The following BAZ2B variants were observed in gnomAD, a reference collection of about 807,000 sequenced individuals.
BAZ2B encodes bromodomain adjacent to zinc finger domain protein 2B.
Under a neutral mutation model 246.0 loss-of-function variants are expected in BAZ2B, and 91 were observed. The observed-to-expected ratio is 0.37, with a 90% CI of 0.31 to 0.44. The LOEUF (loss-of-function observed/expected upper bound fraction) is 0.44, where lower values mean the gene tolerates loss of function less well. BAZ2B is among the 20% of genes least tolerant of loss of function. The probability of loss-of-function intolerance (pLI) is 1.00; values close to 1 mark genes in which losing one functional copy is unlikely to be tolerated. For synonymous variants in BAZ2B, 855 were observed against 860.0 expected, an observed-to-expected ratio of 0.99 and a Z score of 0.10; for missense variants, 2,332 against 2,533.7, an observed-to-expected ratio of 0.92 and a Z score of 1.71.
At chr2:159,348,129 G>A (rs902987773) in intron 30 of BAZ2B, among the ~76,000 whole-genome samples, 1 of 151,560 alleles carries the variant, frequency 6.6e-6, no homozygotes, top group Non-Finnish European at 1.5e-5. Flanking sequence ...GACCAGCCTG[G>A]GCAACATAGT....
At chr2:159,501,943 G>A (rs983075622) in intron 2 of BAZ2B, among the ~76,000 whole-genome samples, 1 of 152,136 alleles carries the variant, frequency 6.6e-6, no homozygotes, top group Non-Finnish European at 1.5e-5. Context: ...ATCAACTGAT[G>A]AATGAATAAA....
At position 159,377,812 on chromosome 2, in the gene BAZ2B, C is replaced by CAA. The variant is rs35570732; in HGVS notation, c.4006-3061_4006-3060dup. 6.3e-3 allele frequency among the ~76,000 whole-genome samples: 589 copies of CAA among 94,134 alleles called. 2 individuals are homozygous for CAA. The highest frequency in any genetic ancestry group is 0.011 in the Non-Finnish European group (484 of 45,980). The allele number at this position is 94,134 out of a possible 152,430, so 61.8% of individuals were successfully genotyped here. A position where few individuals can be genotyped will look rare whatever the true frequency, so the allele number is the denominator to read the frequency against. On this transcript the variant is annotated intron_variant, in intron 25 of 36. Transcript: ENST00000392783. ...GGGTGACAGAGCGAGACTCTGTCTC[C>CAA]AAAAAAAAAAAAAAAAAAGAAGTGA...
chr2:159,428,295 G>T lies in BAZ2B; in HGVS notation c.2364+16C>A. ...AATAGGCACCAAATGTACATTATTT[G>T]GTGAAAAGTATGTACCTTTATTACT... On this transcript the variant is annotated intron_variant, in intron 12 of 36. Coordinates refer to ENST00000392783, the MANE Select transcript of BAZ2B (RefSeq NM_013450.4). The T allele has an allele frequency of 6.3e-7, 1 of 1,583,872 alleles. No individual in the cohort carries two copies. The highest frequency in any genetic ancestry group is 8.6e-7 in the Non-Finnish European group (1 of 1,156,588).
chr2:159,639,693 T>A, the BAZ2B span, among the ~76,000 whole-genome samples: 1 of 151,498 alleles, frequency 6.6e-6, no homozygotes, highest in African/African-American at 2.4e-5. Flanking sequence ...ATACAATGGA[T>A]GCACAAAAAA....
intron 1 of BAZ2B, among the ~76,000 whole-genome samples, chr2:159,589,860 A>C (rs1688888576): frequency 6.6e-6 from 1 of 152,156 alleles, no homozygotes; most frequent in African/African-American, 2.4e-5. Flanking sequence ...TCTAAGAAGA[A>C]TTTCCCAAAC....
chr2:159,563,530 A>G (rs1007286171), intron 1 of BAZ2B, among the ~76,000 whole-genome samples: 3 of 152,218 alleles, frequency 2.0e-5, no homozygotes, highest in Admixed American at 6.5e-5. Flanking sequence ...ACATGGATGA[A>G]CCTTAAAGAC....
At chr2:159,677,180 T>C in the BAZ2B span, among the ~76,000 whole-genome samples, 12 of 151,428 alleles carry the variant, frequency 7.9e-5, no homozygotes, top group African/African-American at 2.7e-4. Context: ...AGTTATATGA[T>C]AAAAATTCTC....
intron 2 of BAZ2B, among the ~76,000 whole-genome samples, chr2:159,517,605 T>C (rs1487062332): frequency 1.3e-5 from 2 of 152,160 alleles, no homozygotes; most frequent in African/African-American, 2.4e-5. Context: ...AATATAATCA[T>C]GTTAAGATAT....
chr2:159,440,928 T>C (rs1388259818), intron 6 of BAZ2B, among the ~76,000 whole-genome samples: 1 of 152,136 alleles, frequency 6.6e-6, no homozygotes, highest in Non-Finnish European at 1.5e-5. Context: ...TCCCTCAAAG[T>C]AGGGCAGACA....
rs545496023 is a variant in BAZ2B at position 159,465,913 on chromosome 2, C to CAAA, written c.146-12115_146-12113dup. ...TGGACAACAGAGTGAGACCCTGTCTCAAAAAAAAAAAAAATTCAAGAGACT... is the reference window on the plus strand; with the variant it reads ...TGGACAACAGAGTGAGACCCTGTCTCAAAAAAAAAAAAAAAAATTCAAGAGACT... On this transcript the variant is annotated intron_variant, in intron 3 of 36. Transcript: ENST00000392783. Among the ~76,000 whole-genome samples the CAAA allele has an allele frequency of 4.7e-3, 608 of 129,672 alleles. 6 individuals are homozygous for CAAA. Among genetic ancestry groups the CAAA allele is most frequent in the African/African-American group, 0.016 (582 of 35,720 alleles). The allele number at this position is 129,672 out of a possible 152,430, so 85.1% of individuals were successfully genotyped here.
chr2:159,610,912 T>C (rs1461921947), intron 1 of BAZ2B, among the ~76,000 whole-genome samples: 1 of 152,076 alleles, frequency 6.6e-6, no homozygotes, highest in Admixed American at 6.6e-5. Context: ...TTAAATATTT[T>C]ATATTTCAAA....
At chr2:159,590,194 A>C in intron 1 of BAZ2B, among the ~76,000 whole-genome samples, 1 of 13,294 alleles carries the variant, frequency 7.5e-5, no homozygotes, top group African/African-American at 1.8e-4. Context: ...TCTCAAAAAA[A>C]AAAAAAAAAA....
At chr2:159,455,536 C>T (rs919045171) in intron 3 of BAZ2B, among the ~76,000 whole-genome samples, 3 of 151,920 alleles carry the variant, frequency 2.0e-5, no homozygotes, top group Non-Finnish European at 4.4e-5. Flanking sequence ...ACAAGGAAGG[C>T]CCACAAGGAT....
intron 3 of BAZ2B, chr2:159,463,196 T>C (rs898406122): frequency 1.4e-5 from 8 of 556,166 alleles, no homozygotes; most frequent in Non-Finnish European, 2.7e-5. Context: ...GCATGAGTGA[T>C]GAATTTAGCA....
chr2:159,595,658 T>G (rs1268982710), intron 1 of BAZ2B, among the ~76,000 whole-genome samples: 1 of 152,276 alleles, frequency 6.6e-6, no homozygotes, highest in Non-Finnish European at 1.5e-5. Context: ...AAATCTGTTA[T>G]GTAAGTTTAG....
chr2:159,511,051 G>A (rs960933623), intron 2 of BAZ2B, among the ~76,000 whole-genome samples: 1 of 152,098 alleles, frequency 6.6e-6, no homozygotes, highest in African/African-American at 2.4e-5. Flanking sequence ...TAATAGCGCA[G>A]ATTGTCAAAT....
At chr2:159,660,958 C>T in the BAZ2B span, among the ~76,000 whole-genome samples, 6 of 152,148 alleles carry the variant, frequency 3.9e-5, no homozygotes, top group Non-Finnish European at 7.3e-5. Flanking sequence ...ACAAAATACA[C>T]ATATGTACAG....
chr2:159,449,643 C>G (rs1453840067), intron 4 of BAZ2B, among the ~76,000 whole-genome samples: 1 of 152,190 alleles, frequency 6.6e-6, no homozygotes, highest in South Asian at 2.1e-4. Flanking sequence ...TTCTTCTGCA[C>G]TGCAGGAAGG....
In BAZ2B at chr2:159,431,049, T is replaced by A. The variant is rs370150609; in HGVS notation, c.2008A>T (p.Met670Leu). ...GAGGAAGTTGTTTTATTCAGTTTCA[T>A]TGAAGTTTTCTCTCCTTCAGTATCA... is the stretch of plus-strand genomic sequence containing the variant. The part of the protein sequence containing the change: ...DSDTEGEKTS[M>L]KLNKTTSSVK... Residue 670 changes from methionine (M) to leucine (L), a missense_variant, in exon 10 of 37, where the codon ATG becomes TTG. Transcript: ENST00000392783. The A allele has an allele frequency of 6.2e-7, 1 of 1,614,070 alleles. No homozygotes were observed. Among genetic ancestry groups the A allele is most frequent in the Non-Finnish European group, 8.5e-7 (1 of 1,179,918 alleles).
Sources: gnomAD v4.1 joint callset for allele counts (sites outside exome capture counted in the v4.1 genomes callset) on GRCh38, gnomAD v4.1.1 for gene constraint, MANE v1.5 for transcripts, NCBI Gene and HGNC (gene_info 2026-07-23, HGNC 2026-07-21) for gene names.